The following RBFOX1 variants were observed in gnomAD, a reference collection of about 807,000 sequenced individuals.
RBFOX1 encodes RNA binding fox-1 homolog 1, also known as RNA binding protein fox-1 homolog 1.
A neutral mutation model predicts 57.7 loss-of-function variants in RBFOX1; 8 were observed. That is an observed-to-expected ratio of 0.14 (90% CI 0.08 to 0.25). The LOEUF (loss-of-function observed/expected upper bound fraction) is 0.25. RBFOX1 is among the 10% of genes least tolerant of loss of function. The pLI is 1.00. For missense variants in RBFOX1, 611 were observed against 548.5 expected (o/e 1.11, Z -1.14); for synonymous variants, 326 against 222.4 (o/e 1.47, Z -4.15).
intron 3 of RBFOX1, among the ~76,000 whole-genome samples, chr16:6,872,146 A>G (rs2061028230): frequency 6.6e-6 from 1 of 152,260 alleles, no homozygotes; most frequent in East Asian, 1.9e-4. Context: ...TTTTCCACCA[A>G]ATGGAAAACT....
At chr16:7,151,140 T>G (rs2152283404) in intron 4 of RBFOX1, among the ~76,000 whole-genome samples, 1 of 152,292 alleles carries the variant, frequency 6.6e-6, no homozygotes, top group Middle Eastern at 3.4e-3. Flanking sequence ...CTATGTAAAC[T>G]TATCCCAAAA....
intron 1 of RBFOX1, among the ~76,000 whole-genome samples, chr16:5,378,870 G>C (rs1479946361): frequency 1.3e-5 from 2 of 151,560 alleles, no homozygotes; most frequent in East Asian, 3.9e-4. Context: ...TTATGATTAT[G>C]GATTAGGCAG....
chr16:5,877,459 A>G (rs1166769965), intron 4 of RBFOX1, among the ~76,000 whole-genome samples: 1 of 152,264 alleles, frequency 6.6e-6, no homozygotes, highest in African/African-American at 2.4e-5. Flanking sequence ...TAGCTCTCCC[A>G]GGAAGCCTGG....
At chr16:7,365,198 A>G (rs983104422) in intron 4 of RBFOX1, among the ~76,000 whole-genome samples, 1 of 152,196 alleles carries the variant, frequency 6.6e-6, no homozygotes, top group East Asian at 1.9e-4. Context: ...TTTTAACCAT[A>G]AACATCTTTG....
At chr16:6,279,883 C>G (rs1265980199) in intron 1 of RBFOX1, among the ~76,000 whole-genome samples, 2 of 150,512 alleles carry the variant, frequency 1.3e-5, no homozygotes, top group Non-Finnish European at 3.0e-5. Flanking sequence ...ATAGCTTGGT[C>G]TAGGTGAGGA....
intron 4 of RBFOX1, among the ~76,000 whole-genome samples, chr16:7,112,958 C>T (rs1038001592): frequency 2.0e-5 from 3 of 152,252 alleles, no homozygotes; most frequent in African/African-American, 4.8e-5. Flanking sequence ...AGTGCTGGCA[C>T]CCTCTGTAAG....
intron 3 of RBFOX1, among the ~76,000 whole-genome samples, chr16:6,835,272 A>G (rs1006986048): frequency 1.3e-5 from 2 of 152,242 alleles, no homozygotes; most frequent in African/African-American, 2.4e-5. Flanking sequence ...CACAGCTGCT[A>G]TGCGGGTTCC....
At chr16:6,504,062 A>G (rs1164148767) in intron 2 of RBFOX1, among the ~76,000 whole-genome samples, 2 of 152,128 alleles carry the variant, frequency 1.3e-5, no homozygotes, top group Non-Finnish European at 2.9e-5. Context: ...ACCACTGATA[A>G]TTTTGCTTTT....
chr16:6,986,898 C>T (rs574063383), intron 3 of RBFOX1, among the ~76,000 whole-genome samples: 4 of 152,234 alleles, frequency 2.6e-5, no homozygotes, highest in East Asian at 3.9e-4. Context: ...TGCAGAGGGA[C>T]CTGAAAGGTT....
At chr16:5,549,526 G>A (rs1246516379) in intron 2 of RBFOX1, among the ~76,000 whole-genome samples, 9 of 152,152 alleles carry the variant, frequency 5.9e-5, no homozygotes, top group Non-Finnish European at 8.8e-5. Flanking sequence ...ACGATAAAGG[G>A]GAAGATGATA....
intron 2 of RBFOX1, among the ~76,000 whole-genome samples, chr16:6,505,824 A>G (rs545037475): frequency 6.6e-6 from 1 of 152,318 alleles, no homozygotes; most frequent in East Asian, 1.9e-4. Flanking sequence ...CATTCATTTC[A>G]AATGTATCCA....
At chr16:7,183,135 T>C (rs2083056808) in intron 4 of RBFOX1, among the ~76,000 whole-genome samples, 1 of 152,174 alleles carries the variant, frequency 6.6e-6, no homozygotes, top group Non-Finnish European at 1.5e-5. Flanking sequence ...GGGATCAGTA[T>C]TCAACCCTCT....
chr16:7,009,506 C>G (rs1227672101), intron 3 of RBFOX1, among the ~76,000 whole-genome samples: 1 of 151,884 alleles, frequency 6.6e-6, no homozygotes, highest in Non-Finnish European at 1.5e-5. Flanking sequence ...ATTAATCAAT[C>G]CAACAGACTT....
chr16:5,439,031 A>AT (rs1208245785), intron 1 of RBFOX1, among the ~76,000 whole-genome samples: 4 of 71,718 alleles, frequency 5.6e-5, no homozygotes, highest in African/African-American at 2.1e-4. Flanking sequence ...GTAGAGAATA[A>AT]TGGGGGGGGG....
intron 2 of RBFOX1, among the ~76,000 whole-genome samples, chr16:5,568,798 C>T: frequency 6.6e-6 from 1 of 152,096 alleles, no homozygotes. Context: ...TCACTCCTCC[C>T]ACCAAATGAC....
rs201856174 is a variant in RBFOX1 at position 7,105,688 on chromosome 16, A to ATC, written c.27+53596_27+53597dup. On this transcript the variant is annotated intron_variant, in intron 4 of 15. Coordinates refer to ENST00000550418, the MANE Select transcript of RBFOX1 (RefSeq NM_018723.4). ...CATATTCCATCATATCTATCTGTCT[A>ATC]TCTCTCTATATATATCTATCTATAT... 2.0e-3 allele frequency among the ~76,000 whole-genome samples: 297 copies of ATC among 152,086 alleles called. 2 individuals carry two copies. Among genetic ancestry groups the ATC allele is most frequent in the African/African-American group, 6.9e-3 (286 of 41,500 alleles).
chr16:6,045,241 C>A (rs1004722915), intron 1 of RBFOX1, among the ~76,000 whole-genome samples: 1 of 152,174 alleles, frequency 6.6e-6, no homozygotes, highest in Non-Finnish European at 1.5e-5. Flanking sequence ...CTGCTGCTGA[C>A]CTGTGGAACA....
intron 4 of RBFOX1, among the ~76,000 whole-genome samples, chr16:7,098,270 A>T (rs1346254171): frequency 6.6e-6 from 1 of 152,192 alleles, no homozygotes; most frequent in Non-Finnish European, 1.5e-5. Flanking sequence ...TCCTGGTTCA[A>T]GCCATTCTCC....
rs2065286287 is a variant in RBFOX1 at position 5,352,575 on chromosome 16, G to A, written c.219+112470G>A. Among the ~76,000 whole-genome samples, 3 of 152,214 alleles carry A rather than the reference G, an allele frequency of 2.0e-5. 1 individual carries two copies. In the South Asian group the frequency reaches 6.2e-4, roughly 32 times the overall value. On this transcript the variant is annotated intron_variant, in intron 1 of 2. Transcript: ENST00000585867. ...CATTTCACCCTGAACGTTTGATCAC[G>A]TATGGCCTAAGATCAAACACATTCT...
Sources: gnomAD v4.1 joint callset for allele counts (sites outside exome capture counted in the v4.1 genomes callset) on GRCh38, gnomAD v4.1.1 for gene constraint, MANE v1.5 for transcripts, NCBI Gene and HGNC (gene_info 2026-07-23, HGNC 2026-07-21) for gene names.